The following DOCK4 variants were observed in gnomAD, a reference collection of about 807,000 sequenced individuals.
The protein encoded by DOCK4 is dedicator of cytokinesis protein 4.
DOCK4 carries 97 observed loss-of-function variants against 268.1 expected under a neutral mutation model. That is an observed-to-expected ratio of 0.36 (90% CI 0.31 to 0.43). DOCK4 has a LOEUF of 0.43. Among genes scored for constraint, DOCK4 ranks in the 20% least tolerant of loss-of-function variants. The pLI, the probability that DOCK4 is intolerant of heterozygous loss-of-function variation, is 1.00. For synonymous variants in DOCK4, 954 were observed against 887.2 expected, an observed-to-expected ratio of 1.08 and a Z score of -1.34; for missense variants, 2,145 against 2,455.7, an observed-to-expected ratio of 0.87 and a Z score of 2.67.
intron 44 of DOCK4, among the ~76,000 whole-genome samples, chr7:111,742,395 T>C (rs543109173): frequency 6.6e-6 from 1 of 152,034 alleles, no homozygotes; most frequent in East Asian, 1.9e-4. Context: ...TTCTTTCCCA[T>C]GTATTTTAGA....
chr7:112,151,543 G>GAC (rs1816074410), intron 1 of DOCK4, among the ~76,000 whole-genome samples: 1 of 152,070 alleles, frequency 6.6e-6, no homozygotes, highest in South Asian at 2.1e-4. Context: ...GGACACCACT[G>GAC]GATCTAGAGC....
chr7:111,726,124 G>A lies in DOCK4; in HGVS notation c.*2150C>T, dbSNP rs542289916. 1.3e-5 allele frequency: 2 copies of A among 152,590 alleles called. No individual in the cohort carries two copies. The highest frequency in any genetic ancestry group is 4.8e-5 in the African/African-American group (2 of 41,554). The allele number at this position is 152,590 out of a possible 1,614,324, so 9.5% of individuals were successfully genotyped here. A position where few individuals can be genotyped will look rare whatever the true frequency, so the allele number is the denominator to read the frequency against. Reference sequence around the variant, plus strand: ...AGACAGAAATATTAAGATTAATCTGGTAATTTTATTTAATATTTACCATTC... The same window carrying A: ...AGACAGAAATATTAAGATTAATCTGATAATTTTATTTAATATTTACCATTC... On this transcript the variant is annotated 3_prime_UTR_variant, in exon 53 of 53. Coordinates refer to ENST00000428084, the MANE Select transcript of DOCK4 (RefSeq NM_001363540.2).
At chr7:112,010,465 G>C (rs1410827285) in intron 1 of DOCK4, among the ~76,000 whole-genome samples, 2 of 152,238 alleles carry the variant, frequency 1.3e-5, no homozygotes, top group African/African-American at 4.8e-5. Context: ...GGAACTCCCA[G>C]GTGGCTATGT....
chr7:111,808,736 T>C (rs780723280), intron 30 of DOCK4, 85 bp downstream of exon 30: 35 of 1,392,476 alleles, frequency 2.5e-5, no homozygotes, highest in Non-Finnish European at 3.2e-5. Context: ...ATGGTGTCAC[T>C]GGTAAATTGC....
chr7:111,735,148 G>C lies in DOCK4; in HGVS notation c.5325C>G (p.Ser1775Arg). The change falls in exon 51 of 53, where the codon AGC becomes AGG. Residue 1775 changes from serine (S) to arginine (R), a missense_variant. Physicochemically the swap from Ser to Arg is moderately radical, Grantham distance 110 (BLOSUM62 -1). This residue lies in a region of DOCK4 where 547 missense variants were observed against 469.0 expected (regional missense o/e 1.17). Transcript: ENST00000428084. ...CCTTCCCACTGTCCAGGCTCCAGCTGCTAGGGGTGGGGTTCACAGCTGGAA... is the reference window on the plus strand; with the variant it reads ...CCTTCCCACTGTCCAGGCTCCAGCTCCTAGGGGTGGGGTTCACAGCTGGAA... ...APEKAVNPTPSSWSLDSGKEA... is the reference protein window; with the variant it reads ...APEKAVNPTPRSWSLDSGKEA... 1 of 1,591,906 alleles carries C rather than the reference G, an allele frequency of 6.3e-7. No homozygotes were observed. Among genetic ancestry groups the C allele is most frequent in the Non-Finnish European group, 8.6e-7 (1 of 1,168,532 alleles).
intron 3 of DOCK4, among the ~76,000 whole-genome samples, chr7:111,999,063 C>T (rs145269961): frequency 6.6e-6 from 1 of 152,088 alleles, no homozygotes; most frequent in East Asian, 1.9e-4. Context: ...ACAAAAGAAG[C>T]CATGTTAGCT....
intron 1 of DOCK4, among the ~76,000 whole-genome samples, chr7:112,012,344 CAAA>C (rs111700199): frequency 7.7e-6 from 1 of 130,388 alleles, no homozygotes. Context: ...GATAAGGCAG[CAAA>C]AAAAAAAAAA....
chr7:111,905,915 T>C (rs1036198236), intron 13 of DOCK4, among the ~76,000 whole-genome samples: 2 of 152,208 alleles, frequency 1.3e-5, no homozygotes, highest in African/African-American at 2.4e-5. Flanking sequence ...GTACACTTTA[T>C]TGAGTACCTA....
At chr7:112,040,169 T>C (rs1328327341) in intron 1 of DOCK4, among the ~76,000 whole-genome samples, 1 of 152,138 alleles carries the variant, frequency 6.6e-6, no homozygotes, top group African/African-American at 2.4e-5. Context: ...TGGAAATTCT[T>C]CAACAAGATT....
intron 50 of DOCK4, among the ~76,000 whole-genome samples, chr7:111,735,429 C>G (rs1795408189): frequency 6.6e-6 from 1 of 152,146 alleles, no homozygotes; most frequent in Admixed American, 6.5e-5. Flanking sequence ...GGGTGTAAAA[C>G]TTGCTGAGAA....
chr7:112,120,983 C>T (rs376660719), intron 1 of DOCK4, among the ~76,000 whole-genome samples: 21 of 152,128 alleles, frequency 1.4e-4, no homozygotes, highest in Admixed American at 1.1e-3. Flanking sequence ...GAGGATTCAG[C>T]CTACGAGACT....
At chr7:111,895,410 A>G (rs537283026) in intron 16 of DOCK4, among the ~76,000 whole-genome samples, 1 of 152,380 alleles carries the variant, frequency 6.6e-6, no homozygotes, top group East Asian at 1.9e-4. Context: ...AATTAGGATG[A>G]AAACATAAAT....
At chr7:111,773,581 G>T (rs1477973248) in intron 36 of DOCK4, among the ~76,000 whole-genome samples, 1 of 151,546 alleles carries the variant, frequency 6.6e-6, no homozygotes, top group Non-Finnish European at 1.5e-5. Flanking sequence ...TTTTTGAATC[G>T]AGAATTACCA....
intron 29 of DOCK4, 144 bp downstream of exon 29, chr7:111,809,157 C>A: frequency 1.4e-6 from 1 of 739,312 alleles, no homozygotes; most frequent in Non-Finnish European, 2.2e-6. Flanking sequence ...ATCAAAACAT[C>A]CAGAAAAGAC....
At chr7:111,998,392 A>G (rs1294719312) in intron 4 of DOCK4, 56 bp downstream of exon 4, 17 of 1,370,776 alleles carry the variant, frequency 1.2e-5, no homozygotes, top group Admixed American at 2.5e-5. Flanking sequence ...TCAAATTCCA[A>G]AAGAAGCAAA....
intron 1 of DOCK4, among the ~76,000 whole-genome samples, chr7:112,022,939 TGGA>T (rs1802453884): frequency 6.6e-6 from 1 of 152,146 alleles, no homozygotes; most frequent in African/African-American, 2.4e-5. Context: ...GTTTTTGAGA[TGGA>T]GTCTCACTCT....
intron 1 of DOCK4, among the ~76,000 whole-genome samples, chr7:112,136,948 AG>A (rs1352235997): frequency 6.6e-6 from 1 of 152,166 alleles, no homozygotes; most frequent in East Asian, 1.9e-4. Context: ...AGAGGCAAAA[AG>A]GTGGGGAAGA....
intron 7 of DOCK4, among the ~76,000 whole-genome samples, chr7:111,979,965 G>T (rs1487107388): frequency 6.6e-6 from 1 of 152,170 alleles, no homozygotes; most frequent in Non-Finnish European, 1.5e-5. Flanking sequence ...AGGGGCTGGG[G>T]GTCCAGAGAC....
intron 13 of DOCK4, 126 bp downstream of exon 13, chr7:111,915,653 C>A: frequency 1.1e-6 from 1 of 893,194 alleles, no homozygotes; most frequent in South Asian, 2.0e-5. Context: ...AGTCACATAC[C>A]TCATTTCATT....
Sources: allele counts gnomAD v4.1 joint callset (sites outside exome capture counted in the v4.1 genomes callset), GRCh38; gene constraint gnomAD v4.1.1; regional missense constraint gnomAD v4.1.1; transcripts MANE v1.5; gene names NCBI Gene and HGNC (gene_info 2026-07-23, HGNC 2026-07-21).